The following TNIP3 variants were observed in gnomAD, a reference collection of about 807,000 sequenced individuals.
TNIP3 encodes the protein TNFAIP3 interacting protein 3.
A neutral mutation model predicts 54.1 loss-of-function variants in TNIP3; 34 were observed. That is an observed-to-expected ratio of 0.63 (90% CI 0.48 to 0.84). The LOEUF is 0.84. TNIP3 is among the 40% of genes least tolerant of loss of function. The pLI is 0.00. For missense variants in TNIP3, 366 were observed against 387.6 expected (o/e 0.94, Z 0.47); for synonymous variants, 134 against 136.8 (o/e 0.98, Z 0.14).
At chr4:121,214,827 TG>T (rs1409525861) in intron 2 of TNIP3, among the ~76,000 whole-genome samples, 18 of 152,328 alleles carry the variant, frequency 1.2e-4, no homozygotes, top group African/African-American at 4.1e-4. Flanking sequence ...TTTATTCAAA[TG>T]TATATAAAAC....
At chr4:121,203,216 TATAG>T (rs148903658) in intron 2 of TNIP3, among the ~76,000 whole-genome samples, 6,721 of 147,026 alleles carry the variant, frequency 0.046, 189 homozygotes, top group African/African-American at 0.084. Flanking sequence ...GAAAATGTGA[TATAG>T]ATAGATAGAT....
At chr4:121,157,348 G>A (rs1730179567) in intron 3 of TNIP3, 105 bp from the exon 4 acceptor site, 1 of 1,444,430 alleles carries the variant, frequency 6.9e-7, no homozygotes, top group Non-Finnish European at 9.6e-7. Flanking sequence ...CCCACCCCAG[G>A]ACGTCCCCTA....
chr4:121,207,232 G>C (rs911027823), intron 2 of TNIP3, among the ~76,000 whole-genome samples: 5 of 152,038 alleles, frequency 3.3e-5, no homozygotes, highest in Non-Finnish European at 7.4e-5. Flanking sequence ...CAGAAAAAAA[G>C]CCTCAAGATC....
intron 2 of TNIP3, among the ~76,000 whole-genome samples, chr4:121,196,504 T>C (rs899106177): frequency 6.6e-6 from 1 of 152,086 alleles, no homozygotes; most frequent in Non-Finnish European, 1.5e-5. Flanking sequence ...GTAATAGAAA[T>C]CATAACAATT....
intron 1 of TNIP3, chr4:121,227,297 T>C (rs759288422): frequency 5.1e-6 from 6 of 1,178,560 alleles, no homozygotes; most frequent in Admixed American, 4.2e-5. Flanking sequence ...ATGAGAACTT[T>C]ATGCATTTTA....
intron 4 of TNIP3, among the ~76,000 whole-genome samples, chr4:121,155,124 G>A (rs1433086843): frequency 3.9e-5 from 6 of 151,936 alleles, no homozygotes; most frequent in Middle Eastern, 6.8e-3. Context: ...CACCACGCCC[G>A]GCTAATTTTT....
At chr4:121,227,246 A>G in intron 1 of TNIP3, 1 of 667,658 alleles carries the variant, frequency 1.5e-6, no homozygotes, top group South Asian at 2.2e-5. Context: ...TTAATTGTTA[A>G]TATTACTGAG....
chr4:121,153,528 G>A (rs1398129338), intron 5 of TNIP3, among the ~76,000 whole-genome samples: 1 of 152,180 alleles, frequency 6.6e-6, no homozygotes, highest in African/African-American at 2.4e-5. Context: ...GCATTTGTAT[G>A]TCTGAGCATG....
Position 121,227,334 on chromosome 4 carries a change from C to T in TNIP3, c.3+51G>A. The T allele has an allele frequency of 3.3e-6, 5 of 1,519,548 alleles. No homozygotes were observed. In the South Asian group the frequency reaches 6.1e-5, roughly 18 times the overall value. 94.1% of individuals were successfully genotyped at this position (1,519,548 alleles called of 1,614,324 possible). On this transcript the variant is annotated intron_variant, in intron 1 of 12. Transcript: ENST00000509841. The stretch of plus-strand genomic sequence containing the variant: ...AAAAGAAATTAAGTTACAACCAACC[C>T]TGGTAAGTAAGCGAAATGAAAGTAA...
chr4:121,161,579 T>G (rs995304009), intron 1 of TNIP3, among the ~76,000 whole-genome samples: 1 of 152,154 alleles, frequency 6.6e-6, no homozygotes, highest in African/African-American at 2.4e-5. Context: ...ATGGATATAT[T>G]TTAGGTATTT....
intron 9 of TNIP3, among the ~76,000 whole-genome samples, chr4:121,139,459 G>A (rs1289890215): frequency 1.3e-5 from 2 of 152,168 alleles, no homozygotes; most frequent in Non-Finnish European, 2.9e-5. Flanking sequence ...CCACAAAGCA[G>A]GTCTGTCTTT....
rs574248373 is a variant in TNIP3 at position 121,158,291 on chromosome 4, T to C, written c.213+396A>G. ...TATTTGTGGAAAATAGGTCATGCTA[T>C]CTAATTAAAGAATTAGGGCTAACCT... On this transcript the variant is annotated intron_variant, in intron 3 of 10. Coordinates refer to ENST00000057513, the MANE Select transcript of TNIP3 (RefSeq NM_024873.6). Among the ~76,000 whole-genome samples the C allele has an allele frequency of 8.5e-5, 13 of 152,322 alleles. No homozygotes were observed. In the South Asian group the frequency reaches 2.7e-3, roughly 32 times the overall value.
At chr4:121,154,150 A>T in intron 5 of TNIP3, 1 of 238,438 alleles carries the variant, frequency 4.2e-6, no homozygotes, top group Non-Finnish European at 8.1e-6. Flanking sequence ...GCTTCCTTAG[A>T]GTGTGTTTCA....
At chr4:121,169,402 T>A (rs866621216) in intron 3 of TNIP3, among the ~76,000 whole-genome samples, 13 of 152,184 alleles carry the variant, frequency 8.5e-5, no homozygotes, top group African/African-American at 2.9e-4. Context: ...CAATTTAAAA[T>A]TGCTCTCCAC....
At chr4:121,193,851 C>T (rs1419717029) in intron 2 of TNIP3, among the ~76,000 whole-genome samples, 2 of 152,010 alleles carry the variant, frequency 1.3e-5, no homozygotes, top group Non-Finnish European at 2.9e-5. Flanking sequence ...ATTATACAAC[C>T]TGAATCTAAT....
chr4:121,158,627 C>T, intron 3 of TNIP3, 60 bp downstream of exon 3: 2 of 1,336,066 alleles, frequency 1.5e-6, no homozygotes, highest in African/African-American at 2.9e-5. Context: ...ACTCTTCACA[C>T]AATTGGCCCC....
upstream of TNIP3, among the ~76,000 whole-genome samples, chr4:121,221,513 A>G (rs1727023997): frequency 6.6e-6 from 1 of 152,228 alleles, no homozygotes; most frequent in African/African-American, 2.4e-5. Context: ...TATGATAATG[A>G]TATTCAAAAA....
At chr4:121,134,610 T>C (rs779819102) in intron 10 of TNIP3, among the ~76,000 whole-genome samples, 1 of 152,174 alleles carries the variant, frequency 6.6e-6, no homozygotes, top group Non-Finnish European at 1.5e-5. Context: ...AAATCTTTAG[T>C]TTTTGAAAGA....
intron 2 of TNIP3, among the ~76,000 whole-genome samples, chr4:121,208,986 G>T (rs1726330530): frequency 6.6e-6 from 1 of 152,168 alleles, no homozygotes; most frequent in East Asian, 1.9e-4. Context: ...CAATCTCCAG[G>T]AAGGGGAGGG....
Sources: allele counts gnomAD v4.1 joint callset (sites outside exome capture counted in the v4.1 genomes callset), GRCh38; gene constraint gnomAD v4.1.1; transcripts MANE v1.5; gene names NCBI Gene and HGNC (gene_info 2026-07-23, HGNC 2026-07-21).